Variants in DLC1 observed in about 807,000 individuals in gnomAD.
DLC1 encodes the protein DLC1 Rho GTPase activating protein.
DLC1 carries 54 observed loss-of-function variants against 140.3 expected under a neutral mutation model. The ratio of observed to expected loss-of-function variants is 0.38; its 90% confidence interval spans 0.31 to 0.48. The LOEUF is 0.48. DLC1 is among the 20% of genes least tolerant of loss of function. DLC1 has a pLI of 0.96. For synonymous variants in DLC1, 986 were observed against 728.1 expected (o/e 1.35, Z -5.70); for missense variants, 2,536 against 1,907.0 (o/e 1.33, Z -6.14).
intron 3 of DLC1, among the ~76,000 whole-genome samples, chr8:13,394,179 C>T (rs984855231): frequency 2.0e-5 from 3 of 152,192 alleles, no homozygotes; most frequent in Admixed American, 2.0e-4. Context: ...TCTATGGTGA[C>T]AGCTATTACG....
At chr8:13,334,365 C>G (rs772754302) in intron 4 of DLC1, among the ~76,000 whole-genome samples, 4 of 152,086 alleles carry the variant, frequency 2.6e-5, no homozygotes, top group African/African-American at 4.8e-5. Context: ...AGGGACAGGC[C>G]AGATCTGTGA....
intron 2 of DLC1, among the ~76,000 whole-genome samples, chr8:13,469,387 C>T (rs79113382): frequency 0.013 from 2,002 of 152,254 alleles, 39 homozygotes; most frequent in African/African-American, 0.046. Context: ...CTGTGGAGCT[C>T]TGACTCCCTG....
At chr8:13,468,159 A>G (rs964909133) in intron 2 of DLC1, among the ~76,000 whole-genome samples, 1 of 152,224 alleles carries the variant, frequency 6.6e-6, no homozygotes, top group South Asian at 2.1e-4. Context: ...GGAAAATTAT[A>G]ATTTTCCTCA....
intron 5 of DLC1, among the ~76,000 whole-genome samples, chr8:13,209,181 C>T (rs1453169877): frequency 6.6e-6 from 1 of 152,070 alleles, no homozygotes; most frequent in East Asian, 1.9e-4. Context: ...ATTCCTGTAG[C>T]TATTTGATAT....
intron 5 of DLC1, among the ~76,000 whole-genome samples, chr8:13,261,722 T>C (rs767742239): frequency 1.3e-5 from 2 of 151,916 alleles, no homozygotes; most frequent in African/African-American, 2.4e-5. Flanking sequence ...ATGTAGGGTA[T>C]GAAAGAAGAG....
At chr8:13,539,229 T>G (rs888868693) in intron 1 of DLC1, among the ~76,000 whole-genome samples, 12 of 151,542 alleles carry the variant, frequency 7.9e-5, no homozygotes, top group East Asian at 3.9e-4. Flanking sequence ...ACACAGAGTC[T>G]CGCTCTGTTG....
At position 13,480,265 on chromosome 8, in the gene DLC1, A is replaced by T. The variant is rs115140657; in HGVS notation, c.1023+18784T>A. Among the ~76,000 whole-genome samples the T allele has an allele frequency of 1.4e-3, 208 of 152,334 alleles. 1 individual carries two copies. Among genetic ancestry groups the T allele is most frequent in the African/African-American group, 4.9e-3 (203 of 41,568 alleles). ...AACAAGGACCCATAAAAGCTTAAAA[A>T]TATATGCACGACAATGTGATTAAGT... On this transcript the variant is annotated intron_variant, in intron 2 of 17. Coordinates refer to ENST00000276297, the MANE Select transcript of DLC1 (RefSeq NM_182643.3).
chr8:13,221,028 G>A (rs1260135105), intron 5 of DLC1, among the ~76,000 whole-genome samples: 2 of 152,130 alleles, frequency 1.3e-5, no homozygotes, highest in Non-Finnish European at 2.9e-5. Flanking sequence ...TTCTGCCAAG[G>A]GGGTACTAGA....
At chr8:13,553,912 T>C (rs2117363903) in intron 1 of DLC1, among the ~76,000 whole-genome samples, 1 of 152,232 alleles carries the variant, frequency 6.6e-6, no homozygotes, top group South Asian at 2.1e-4. Flanking sequence ...TTTTCTTATG[T>C]CTCCCTTGCT....
chr8:13,464,158 G>T (rs1351498241), intron 2 of DLC1, among the ~76,000 whole-genome samples: 1 of 152,134 alleles, frequency 6.6e-6, no homozygotes, highest in Non-Finnish European at 1.5e-5. Context: ...TTAAAACCCT[G>T]GGCTTTTTAG....
intron 5 of DLC1, among the ~76,000 whole-genome samples, chr8:13,170,810 T>C (rs941131969): frequency 6.6e-6 from 1 of 151,870 alleles, no homozygotes; most frequent in Non-Finnish European, 1.5e-5. Flanking sequence ...AGACATCTAA[T>C]GCTAGAAGAA....
intron 2 of DLC1, among the ~76,000 whole-genome samples, chr8:13,442,239 A>C (rs1262061181): frequency 1.3e-5 from 2 of 152,142 alleles, no homozygotes; most frequent in African/African-American, 4.8e-5. Flanking sequence ...TAGACCTAAA[A>C]CCCTAAAAAC....
At chr8:13,473,664 T>C (rs1028294331) in intron 2 of DLC1, among the ~76,000 whole-genome samples, 5 of 152,142 alleles carry the variant, frequency 3.3e-5, no homozygotes, top group Admixed American at 3.3e-4. Context: ...ATATGGACAA[T>C]AAAGTCCAGG....
At chr8:13,489,539 A>G (rs183110610) in intron 2 of DLC1, among the ~76,000 whole-genome samples, 3 of 151,324 alleles carry the variant, frequency 2.0e-5, no homozygotes, top group South Asian at 2.1e-4. Context: ...ATATTAACTC[A>G]TTTAATATTT....
At chr8:13,327,175 A>G (rs930496584) in intron 4 of DLC1, among the ~76,000 whole-genome samples, 7 of 101,662 alleles carry the variant, frequency 6.9e-5, no homozygotes, top group Non-Finnish European at 9.3e-5. Context: ...GGGTTTCCCC[A>G]TGTTAGTCAG....
chr8:13,221,121 C>A (rs1828527373), intron 5 of DLC1, among the ~76,000 whole-genome samples: 1 of 152,184 alleles, frequency 6.6e-6, no homozygotes, highest in African/African-American at 2.4e-5. Context: ...TGGGTTTTCT[C>A]AGCCTTAAAC....
At chr8:13,389,919 C>A (rs1336872206) in intron 4 of DLC1, among the ~76,000 whole-genome samples, 2 of 152,110 alleles carry the variant, frequency 1.3e-5, no homozygotes, top group Non-Finnish European at 1.5e-5. Flanking sequence ...GGTAGGTGTT[C>A]TTAGAATTTC....
At chr8:13,288,542 G>A (rs748678225) in intron 5 of DLC1, among the ~76,000 whole-genome samples, 8 of 152,176 alleles carry the variant, frequency 5.3e-5, no homozygotes, top group Non-Finnish European at 8.8e-5. Flanking sequence ...TTCCTTTCCA[G>A]TATTTCAATG....
chr8:13,325,447 TATACACACACAC>T lies in DLC1; in HGVS notation c.1315-20157_1315-20146del, dbSNP rs1428286458. Among the ~76,000 whole-genome samples the T allele has an allele frequency of 2.9e-3, 433 of 149,162 alleles. 5 individuals are homozygous for T. The highest frequency in any genetic ancestry group is 0.014 in the Middle Eastern group (4 of 294). ...AACATGTTCTGGGACAATAGTTCTG[TATACACACACAC>T]ACACACACACACACACACACAGAAA... On this transcript the variant is annotated intron_variant, in intron 4 of 17. Coordinates refer to ENST00000276297, the MANE Select transcript of DLC1 (RefSeq NM_182643.3).
Sources: gnomAD v4.1 joint callset for allele counts (sites outside exome capture counted in the v4.1 genomes callset) on GRCh38, gnomAD v4.1.1 for gene constraint, MANE v1.5 for transcripts, NCBI Gene and HGNC (gene_info 2026-07-23, HGNC 2026-07-21) for gene names.